GRIK4: variants seen among roughly 807,000 people sequenced by gnomAD.
The protein encoded by GRIK4 is glutamate ionotropic receptor kainate type subunit 4.
In GRIK4, 40 loss-of-function variants were observed where a neutral mutation model predicts 104.9. The observed-to-expected ratio is 0.38, with a 90% CI of 0.30 to 0.50. The LOEUF (loss-of-function observed/expected upper bound fraction) is 0.50, where lower values mean the gene tolerates loss of function less well. GRIK4 is among the 20% of genes least tolerant of loss of function. The pLI is 0.93. For missense variants in GRIK4, 1,047 were observed against 1,308.1 expected, an observed-to-expected ratio of 0.80 and a Z score of 3.08; for synonymous variants, 485 against 524.9, an observed-to-expected ratio of 0.92 and a Z score of 1.04.
At chr11:120,562,427 A>C (rs1948250344) in intron 1 of GRIK4, among the ~76,000 whole-genome samples, 2 of 152,210 alleles carry the variant, frequency 1.3e-5, no homozygotes, top group Non-Finnish European at 2.9e-5. Context: ...TCTCAGATGG[A>C]TGGCAGGGAG....
chr11:120,596,590 A>G (rs1033863605), intron 1 of GRIK4, among the ~76,000 whole-genome samples: 1 of 149,790 alleles, frequency 6.7e-6, no homozygotes, highest in Admixed American at 6.6e-5. Flanking sequence ...TGAAGTCTAT[A>G]TGTAAGTCTC....
intron 8 of GRIK4, among the ~76,000 whole-genome samples, chr11:120,851,695 C>T (rs914191348): frequency 3.3e-5 from 5 of 152,046 alleles, no homozygotes; most frequent in African/African-American, 7.3e-5. Context: ...TATGCATATC[C>T]CTGCCCCTCC....
chr11:120,686,575 C>T (rs1382479819), intron 3 of GRIK4, among the ~76,000 whole-genome samples: 2 of 152,336 alleles, frequency 1.3e-5, no homozygotes, highest in Non-Finnish European at 2.9e-5. Flanking sequence ...GGATGGGCTG[C>T]ATCACGTCTA....
intron 8 of GRIK4, among the ~76,000 whole-genome samples, chr11:120,841,161 G>A (rs995856604): frequency 5.9e-5 from 9 of 151,774 alleles, no homozygotes; most frequent in Non-Finnish European, 1.2e-4. Flanking sequence ...ACTTTTCAGT[G>A]GCATGAAGTA....
At chr11:120,773,820 T>C (rs866864292) in intron 3 of GRIK4, among the ~76,000 whole-genome samples, 2 of 152,222 alleles carry the variant, frequency 1.3e-5, no homozygotes, top group African/African-American at 4.8e-5. Context: ...TTTAAACTTA[T>C]ACCCTCTGCT....
At chr11:120,565,751 C>T (rs1396001872) in intron 1 of GRIK4, among the ~76,000 whole-genome samples, 1 of 152,198 alleles carries the variant, frequency 6.6e-6, no homozygotes, top group African/African-American at 2.4e-5. Context: ...CCCCCTGGCT[C>T]TTTTCTACAT....
chr11:120,890,723 G>A lies in GRIK4; in HGVS notation c.1165-7809G>A, dbSNP rs1253733327. Among the ~76,000 whole-genome samples, 3 of 152,144 alleles carry A rather than the reference G, an allele frequency of 2.0e-5. No individual in the cohort carries two copies. The East Asian group carries it at 5.8e-4, about 29-fold the overall frequency. On this transcript the variant is annotated intron_variant, in intron 11 of 20. Coordinates refer to ENST00000527524, the MANE Select transcript of GRIK4 (RefSeq NM_014619.5). ...TTGTTGTCTGAAGTACCTCCATTAA[G>A]CCTACATTTCTCAGGTGGGAATAAT...
chr11:120,678,034 C>T (rs1019334851), intron 3 of GRIK4, among the ~76,000 whole-genome samples: 1 of 152,198 alleles, frequency 6.6e-6, no homozygotes. Flanking sequence ...AGCCAGACTC[C>T]CTGGCGCCAA....
chr11:120,887,936 A>G (rs1286440889), intron 11 of GRIK4, among the ~76,000 whole-genome samples: 2 of 152,060 alleles, frequency 1.3e-5, no homozygotes, highest in Non-Finnish European at 2.9e-5. Flanking sequence ...ACCCCAGGTG[A>G]AGGGGAGTGT....
At chr11:120,725,707 G>T (rs968257645) in intron 3 of GRIK4, among the ~76,000 whole-genome samples, 11 of 151,788 alleles carry the variant, frequency 7.2e-5, no homozygotes, top group Admixed American at 6.6e-4. Context: ...AAACTAAGTT[G>T]CAAGCTTTAG....
At chr11:120,730,142 C>A (rs543760086) in intron 3 of GRIK4, among the ~76,000 whole-genome samples, 1 of 152,048 alleles carries the variant, frequency 6.6e-6, no homozygotes. Flanking sequence ...ACCACTTGAG[C>A]TCAGGAGTTC....
At chr11:120,578,281 C>T (rs1330768254) in intron 1 of GRIK4, among the ~76,000 whole-genome samples, 1 of 152,042 alleles carries the variant, frequency 6.6e-6, no homozygotes, top group Non-Finnish European at 1.5e-5. Flanking sequence ...GTGGGCACAG[C>T]CTAGGGAGAG....
At chr11:120,550,863 A>G (rs1948132602) in intron 1 of GRIK4, among the ~76,000 whole-genome samples, 1 of 152,110 alleles carries the variant, frequency 6.6e-6, no homozygotes, top group Non-Finnish European at 1.5e-5. Context: ...TTTGAGGAGT[A>G]CTGTGCACAG....
intron 3 of GRIK4, among the ~76,000 whole-genome samples, chr11:120,705,024 G>A (rs961139304): frequency 6.6e-6 from 1 of 152,076 alleles, no homozygotes; most frequent in African/African-American, 2.4e-5. Context: ...AGTTTTTTCT[G>A]GACTCTCAAT....
At chr11:120,816,253 T>C (rs1952955031) in intron 5 of GRIK4, among the ~76,000 whole-genome samples, 1 of 152,220 alleles carries the variant, frequency 6.6e-6, no homozygotes, top group Non-Finnish European at 1.5e-5. Flanking sequence ...TTCCTGGTCC[T>C]TCCTGGATCC....
At chr11:120,560,193 T>C (rs1378000631) in intron 1 of GRIK4, among the ~76,000 whole-genome samples, 6 of 152,060 alleles carry the variant, frequency 3.9e-5, no homozygotes, top group Non-Finnish European at 8.8e-5. Flanking sequence ...GGATTGTAGG[T>C]GTGTGCCACC....
chr11:120,790,171 C>T (rs1158276807), intron 3 of GRIK4, among the ~76,000 whole-genome samples: 1 of 152,156 alleles, frequency 6.6e-6, no homozygotes, highest in Non-Finnish European at 1.5e-5. Flanking sequence ...CCATGTCCTT[C>T]TCTGGACACT....
chr11:120,748,823 G>A (rs1469416723), intron 3 of GRIK4, among the ~76,000 whole-genome samples: 1 of 152,168 alleles, frequency 6.6e-6, no homozygotes, highest in Non-Finnish European at 1.5e-5. Context: ...GGAGTTGAAG[G>A]AGAGGCTAGG....
intron 4 of GRIK4, 135 bp from the exon 5 acceptor site, chr11:120,815,243 G>C (rs1273667606): frequency 1.6e-6 from 1 of 608,842 alleles, no homozygotes; most frequent in African/African-American, 1.9e-5. Context: ...GTTTCGAAGG[G>C]TTGGAGCAGG....
Sources: gnomAD v4.1 joint callset for allele counts (sites outside exome capture counted in the v4.1 genomes callset) on GRCh38, gnomAD v4.1.1 for gene constraint, MANE v1.5 for transcripts, NCBI Gene and HGNC (gene_info 2026-07-23, HGNC 2026-07-21) for gene names.